Variants in PYGO1 observed in about 807,000 individuals in gnomAD.
PYGO1 encodes pygopus homolog 1.
PYGO1 carries 6 observed loss-of-function variants against 29.5 expected under a neutral mutation model. The observed-to-expected ratio is 0.20, with a 90% CI of 0.11 to 0.40. PYGO1 has a LOEUF of 0.40. Ranked by LOEUF, PYGO1 falls within the 10% of genes least tolerant of loss-of-function variation. The pLI, the probability that PYGO1 is intolerant of heterozygous loss-of-function variation, is 1.00. For missense variants in PYGO1, 515 were observed against 514.9 expected (o/e 1.00, Z 0.00); for synonymous variants, 186 against 180.5 (o/e 1.03, Z -0.24).
intron 1 of PYGO1, among the ~76,000 whole-genome samples, chr15:55,582,204 C>A (rs1268286971): frequency 1.4e-4 from 1 of 7,056 alleles, no homozygotes; most frequent in Non-Finnish European, 7.4e-4. Context: ...AAGGCTCCAT[C>A]TCAAAAAAAA....
Position 55,546,652 on chromosome 15 carries a change from T to C in PYGO1, c.631A>G (p.Asn211Asp), listed in dbSNP as rs1386918543. ...ASNFVPGNNS[N>D]FTSPLESNHS... ...TTAGATTCTAACGGAGAAGTAAAATTTGAATTATTTCCAGGAACAAAATTA... is the reference window on the plus strand; with the variant it reads ...TTAGATTCTAACGGAGAAGTAAAATCTGAATTATTTCCAGGAACAAAATTA... The change falls in exon 3 of 3, where the codon AAT (asparagine) becomes GAT (aspartate). Residue 211 changes from asparagine to aspartate, a missense_variant. Physicochemically the swap from Asn to Asp is conservative, Grantham distance 23. Coordinates refer to ENST00000563719, the MANE Select transcript of PYGO1 (RefSeq NM_001367806.1). 6.2e-7 allele frequency: 1 copy of C among 1,614,016 alleles called. No homozygotes were observed. Among genetic ancestry groups the C allele is most frequent in the African/African-American group, 1.3e-5 (1 of 75,006 alleles).
chr15:55,588,432 G>A (rs2059059844), upstream of PYGO1, among the ~76,000 whole-genome samples: 1 of 148,530 alleles, frequency 6.7e-6, no homozygotes, highest in Non-Finnish European at 1.5e-5. Context: ...CCCGCCCTGA[G>A]CTCCCCAGCC....
In PYGO1 at chr15:55,584,046, CTATT is replaced by C. The variant is rs58068844; in HGVS notation, c.49+3785_49+3788del. 6.3e-3 allele frequency among the ~76,000 whole-genome samples: 956 copies of C among 151,294 alleles called. 8 individuals are homozygous for C. The highest frequency in any genetic ancestry group is 0.022 in the African/African-American group (901 of 41,174). On this transcript the variant is annotated intron_variant, in intron 1 of 2. Transcript: ENST00000563719. ...ACAGCCCTTATCATGCTATTTGTAG[CTATT>C]TATTTGTCACTGTCCTGTACTAGAC...
At chr15:55,586,489 T>C (rs1365364615) in intron 1 of PYGO1, among the ~76,000 whole-genome samples, 2 of 152,214 alleles carry the variant, frequency 1.3e-5, no homozygotes, top group Admixed American at 6.5e-5. Flanking sequence ...ACTATTAAAA[T>C]GCTATAATTT....
intron 1 of PYGO1, among the ~76,000 whole-genome samples, chr15:55,582,839 C>CT (rs1241720344): frequency 1.3e-5 from 2 of 152,178 alleles, no homozygotes; most frequent in Non-Finnish European, 2.9e-5. Context: ...CTCTCACAGG[C>CT]TCTTCCCCAA....
rs1195058637 is a variant in PYGO1 at position 55,545,848 on chromosome 15, G to A, written c.*175C>T. 1.6e-6 allele frequency: 1 copy of A among 619,316 alleles called. No individual in the cohort carries two copies. 38.4% of individuals were successfully genotyped at this position (619,316 alleles called of 1,614,324 possible). On this transcript the variant is annotated 3_prime_UTR_variant, in exon 3 of 3. Coordinates refer to ENST00000563719, the MANE Select transcript of PYGO1 (RefSeq NM_001367806.1). ...CCCCATATACATTATTCTCATTTAAGACAGCAAGCAAAGACAATAAAAAAT... is the reference window on the plus strand; with the variant it reads ...CCCCATATACATTATTCTCATTTAAAACAGCAAGCAAAGACAATAAAAAAT...
At chr15:55,579,557 C>T (rs1035979019) in intron 1 of PYGO1, among the ~76,000 whole-genome samples, 2 of 151,936 alleles carry the variant, frequency 1.3e-5, no homozygotes, top group African/African-American at 4.8e-5. Context: ...GCTCTGTCAC[C>T]CAGGCTGGAG....
chr15:55,556,545 C>T (rs149564210), intron 1 of PYGO1, among the ~76,000 whole-genome samples: 189 of 152,046 alleles, frequency 1.2e-3, no homozygotes, highest in African/African-American at 4.4e-3. Context: ...TCAAAAAGCT[C>T]GAAAGATCTC....
At chr15:55,582,170 G>T (rs1287455390) in intron 1 of PYGO1, among the ~76,000 whole-genome samples, 2 of 134,640 alleles carry the variant, frequency 1.5e-5, no homozygotes, top group East Asian at 4.4e-4. Context: ...TCATGCCACT[G>T]CACTCCAGCC....
At chr15:55,576,037 T>C (rs943369162) in intron 1 of PYGO1, among the ~76,000 whole-genome samples, 3 of 152,240 alleles carry the variant, frequency 2.0e-5, no homozygotes, top group Admixed American at 6.5e-5. Context: ...CTTTATATTA[T>C]TTGTTAAAAA....
Position 55,542,889 on chromosome 15 carries a change from A to C in PYGO1, c.*3134T>G, listed in dbSNP as rs1439033436. Reference sequence around the variant, plus strand: ...CGTTGCAGTGAGCCGAGATCTCATCACTGCACTCCAGCCTGGGCAACAGAG... The same window carrying C: ...CGTTGCAGTGAGCCGAGATCTCATCCCTGCACTCCAGCCTGGGCAACAGAG... On this transcript the variant is annotated 3_prime_UTR_variant, in exon 3 of 3. Transcript: ENST00000563719. The C allele has an allele frequency of 6.6e-6, 1 of 152,232 alleles. No individual in the cohort carries two copies. Among genetic ancestry groups the C allele is most frequent in the African/African-American group, 2.4e-5 (1 of 41,436 alleles). 9.4% of individuals were successfully genotyped at this position (152,232 alleles called of 1,614,324 possible).
At chr15:55,552,162 C>A (rs1269791519) in intron 1 of PYGO1, among the ~76,000 whole-genome samples, 1 of 151,840 alleles carries the variant, frequency 6.6e-6, no homozygotes, top group Non-Finnish European at 1.5e-5. Flanking sequence ...CGAGACCAGC[C>A]TGGCAAACAT....
At chr15:55,553,576 T>C (rs1034911238) in intron 1 of PYGO1, among the ~76,000 whole-genome samples, 3 of 151,938 alleles carry the variant, frequency 2.0e-5, no homozygotes, top group African/African-American at 7.2e-5. Context: ...CACCACTAAC[T>C]TTTTTTGTAT....
chr15:55,561,560 T>G (rs1043642626), intron 1 of PYGO1, among the ~76,000 whole-genome samples: 3 of 152,074 alleles, frequency 2.0e-5, no homozygotes, highest in Admixed American at 6.6e-5. Context: ...ATCACAAGAA[T>G]AGCATGGGGG....
chr15:55,588,599 G>T (rs2059060928), upstream of PYGO1, among the ~76,000 whole-genome samples: 1 of 149,008 alleles, frequency 6.7e-6, no homozygotes, highest in Admixed American at 6.7e-5. Context: ...GGCTCTTGCA[G>T]CCCGGGTGGG....
intron 1 of PYGO1, among the ~76,000 whole-genome samples, chr15:55,582,976 C>T (rs528940964): frequency 6.6e-6 from 1 of 152,172 alleles, no homozygotes; most frequent in East Asian, 1.9e-4. Flanking sequence ...TATGACATTT[C>T]TGTACTACTC....
At chr15:55,585,088 C>T (rs957581612) in intron 1 of PYGO1, among the ~76,000 whole-genome samples, 2 of 152,146 alleles carry the variant, frequency 1.3e-5, no homozygotes, top group Admixed American at 1.3e-4. Context: ...ACTGTAAAGT[C>T]CTCAGTCATT....
intron 1 of PYGO1, among the ~76,000 whole-genome samples, chr15:55,585,095 C>A (rs2141681064): frequency 6.6e-6 from 1 of 152,298 alleles, no homozygotes; most frequent in East Asian, 1.9e-4. Flanking sequence ...AGTCCTCAGT[C>A]ATTCATGTTT....
chr15:55,562,824 A>T, intron 1 of PYGO1, among the ~76,000 whole-genome samples: 1 of 152,188 alleles, frequency 6.6e-6, no homozygotes, highest in East Asian at 1.9e-4. Context: ...GAATGAGAAC[A>T]AGTCCTTGGC....
Sources: gnomAD v4.1 joint callset for allele counts (sites outside exome capture counted in the v4.1 genomes callset) on GRCh38, gnomAD v4.1.1 for gene constraint, MANE v1.5 for transcripts, NCBI Gene and HGNC (gene_info 2026-07-23, HGNC 2026-07-21) for gene names.